The following TRERF1 variants were observed in gnomAD, a reference collection of about 807,000 sequenced individuals.
TRERF1 encodes the protein transcriptional regulating factor 1, also known as transcriptional-regulating factor 1.
Under a neutral mutation model 122.9 loss-of-function variants are expected in TRERF1, and 27 were observed. That is an observed-to-expected ratio of 0.22 (90% CI 0.16 to 0.30). The LOEUF is 0.30. TRERF1 is among the 10% of genes least tolerant of loss of function. TRERF1 has a pLI of 1.00. For missense variants in TRERF1, 1,248 were observed against 1,560.3 expected (o/e 0.80, Z 3.37); for synonymous variants, 636 against 641.7 (o/e 0.99, Z 0.13).
At chr6:42,358,526 C>G (rs996438393) in intron 3 of TRERF1, among the ~76,000 whole-genome samples, 1 of 152,200 alleles carries the variant, frequency 6.6e-6, no homozygotes, top group African/African-American at 2.4e-5. Flanking sequence ...AGGGCAAATG[C>G]GGGGCAGTGC....
In TRERF1 at chr6:42,268,664, CGGCTGCTGCTGCTGT is replaced by C; in HGVS notation, c.912_926del (p.Gln307_Gln311del). ...GCCGCTGCTGCAGCTGTAGCTGCTGCGGCTGCTGCTGCTGTGGCGGCGGCTGTGGCTGTGATGGGC... is the reference window on the plus strand; with the variant it reads ...GCCGCTGCTGCAGCTGTAGCTGCTGCGGCGGCGGCTGTGGCTGTGATGGGC... On this transcript the variant is annotated inframe_deletion, in exon 5 of 18. Coordinates refer to ENST00000372922, the Ensembl canonical transcript of TRERF1. This position sits in a 1 kb window ranked among gnomAD's most constrained non-coding sequence, Gnocchi z 4.4. The C allele has an allele frequency of 1.9e-6, 3 of 1,613,950 alleles. No homozygotes were observed. Among genetic ancestry groups the C allele is most frequent in the Non-Finnish European group, 2.5e-6 (3 of 1,179,892 alleles).
At chr6:42,373,464 G>A (rs1179833399) in intron 2 of TRERF1, among the ~76,000 whole-genome samples, 3 of 152,120 alleles carry the variant, frequency 2.0e-5, no homozygotes, top group Admixed American at 1.3e-4. Context: ...TCAGGAGATC[G>A]AGACCATCCT....
intron 2 of TRERF1, among the ~76,000 whole-genome samples, chr6:42,427,884 CT>C (rs1214876398): frequency 6.6e-6 from 1 of 152,122 alleles, no homozygotes; most frequent in African/African-American, 2.4e-5. Flanking sequence ...AAAAATCAGA[CT>C]CTTGACACCA....
chr6:42,254,112 T>A (rs998192114), intron 13 of TRERF1, among the ~76,000 whole-genome samples: 1 of 152,222 alleles, frequency 6.6e-6, no homozygotes, highest in African/African-American at 2.4e-5. Flanking sequence ...TCCATTTAAA[T>A]CTCATAGGTG....
intron 3 of TRERF1, among the ~76,000 whole-genome samples, chr6:42,315,541 G>A (rs1009741628): frequency 1.1e-4 from 16 of 152,176 alleles, no homozygotes; most frequent in African/African-American, 3.4e-4. Context: ...GAGGCAAAGA[G>A]GCTGTGACGA....
chr6:42,421,906 G>A (rs1363096296), intron 2 of TRERF1, among the ~76,000 whole-genome samples: 2 of 151,340 alleles, frequency 1.3e-5, no homozygotes, highest in Non-Finnish European at 2.9e-5. Flanking sequence ...GGTGGCTCAC[G>A]CCTGTAATCC....
intron 3 of TRERF1, among the ~76,000 whole-genome samples, chr6:42,325,181 A>T (rs534813952): frequency 4.0e-4 from 61 of 152,378 alleles, no homozygotes; most frequent in African/African-American, 1.4e-3. Context: ...TCATCACAGA[A>T]ATGCAAATCA....
intron 3 of TRERF1, among the ~76,000 whole-genome samples, chr6:42,315,706 A>AC (rs367902405): frequency 0.023 from 2,759 of 118,268 alleles, 57 homozygotes; most frequent in African/African-American, 0.071. Context: ...GAGGAACACC[A>AC]CCCCCCCCCC....
intron 2 of TRERF1, among the ~76,000 whole-genome samples, chr6:42,396,062 C>T (rs1778531805): frequency 1.3e-5 from 2 of 152,144 alleles, no homozygotes; most frequent in African/African-American, 4.8e-5. Context: ...GCCCTGCTCC[C>T]CTTCACACCT....
chr6:42,439,346 ACTGT>A (rs1455686510), intron 2 of TRERF1, among the ~76,000 whole-genome samples: 1 of 152,106 alleles, frequency 6.6e-6, no homozygotes, highest in African/African-American at 2.4e-5. Flanking sequence ...TCATCTGGCA[ACTGT>A]CTCTGAGACA....
At chr6:42,396,715 A>G (rs760296856) in intron 2 of TRERF1, among the ~76,000 whole-genome samples, 2 of 152,202 alleles carry the variant, frequency 1.3e-5, no homozygotes, top group East Asian at 1.9e-4. Context: ...AAGAGAGAAC[A>G]TATATAACTT....
intron 5 of TRERF1, 144 bp from the exon 6 acceptor site, chr6:42,265,941 A>G: frequency 1.2e-6 from 1 of 805,452 alleles, no homozygotes; most frequent in Non-Finnish European, 2.0e-6. Context: ...ATTCATGTCC[A>G]CTCACTCCCT....
chr6:42,377,708 G>T (rs1027472080), intron 2 of TRERF1, among the ~76,000 whole-genome samples: 1 of 152,154 alleles, frequency 6.6e-6, no homozygotes, highest in Non-Finnish European at 1.5e-5. Context: ...CCAGTTGTAC[G>T]GATTTTCCAA....
At chr6:42,304,756 T>C (rs1786862069) in intron 3 of TRERF1, among the ~76,000 whole-genome samples, 1 of 152,134 alleles carries the variant, frequency 6.6e-6, no homozygotes, top group Admixed American at 6.5e-5. Context: ...TTGCCAACTG[T>C]CTCTTGCAAA....
intron 4 of TRERF1, among the ~76,000 whole-genome samples, chr6:42,291,121 T>C (rs1784257333): frequency 6.6e-6 from 1 of 152,226 alleles, no homozygotes; most frequent in African/African-American, 2.4e-5. Flanking sequence ...GTCAGAACTG[T>C]CTTCTCTGTT....
intron 3 of TRERF1, among the ~76,000 whole-genome samples, chr6:42,354,857 C>G (rs1358684087): frequency 6.6e-6 from 1 of 152,136 alleles, no homozygotes; most frequent in Non-Finnish European, 1.5e-5. Context: ...ATGTTCTCAT[C>G]TATTTATTTT....
rs920995785 is a variant in TRERF1, at chr6:42,259,240, A to G, written c.2269+99T>C. 2 of 1,421,612 alleles carry G rather than the reference A, an allele frequency of 1.4e-6. No homozygotes were observed. The highest frequency in any genetic ancestry group is 3.1e-5 in the South Asian group (2 of 65,286). The allele number at this position is 1,421,612 out of a possible 1,614,324, so 88.1% of individuals were successfully genotyped here. On this transcript the variant is annotated intron_variant, in intron 9 of 17. Coordinates refer to ENST00000372922, the Ensembl canonical transcript of TRERF1. The surrounding 1 kb of genome is among the most constrained non-coding windows in gnomAD (Gnocchi z 4.9). ...GTGCTACATACAGCCAATACTCCGC[A>G]AAAGTCTGTGGGATAAATGAGAAAG...
At chr6:42,378,364 T>C (rs939955779) in intron 2 of TRERF1, among the ~76,000 whole-genome samples, 17 of 150,430 alleles carry the variant, frequency 1.1e-4, no homozygotes, top group Admixed American at 9.9e-4. Context: ...TGATTGCTTA[T>C]AGGTTGAGAC....
At chr6:42,364,803 TC>T (rs941294819) in intron 2 of TRERF1, among the ~76,000 whole-genome samples, 67 of 152,106 alleles carry the variant, frequency 4.4e-4, no homozygotes, top group African/African-American at 1.6e-3. Context: ...TTTCCACACA[TC>T]CATCTGTAAG....
Sources: allele counts gnomAD v4.1 joint callset (sites outside exome capture counted in the v4.1 genomes callset), GRCh38; gene constraint gnomAD v4.1.1; non-coding constraint Gnocchi (gnomAD v3.1); transcripts MANE v1.5; gene names NCBI Gene and HGNC (gene_info 2026-07-23, HGNC 2026-07-21).